PCDH18: variants seen among roughly 807,000 people sequenced by gnomAD.
The protein encoded by PCDH18 is protocadherin 18.
Under a neutral mutation model 71.5 loss-of-function variants are expected in PCDH18, and 38 were observed. The ratio of observed to expected loss-of-function variants is 0.53; its 90% CI spans 0.41 to 0.70. PCDH18 has a LOEUF of 0.70. Ranked by LOEUF, PCDH18 falls within the 30% of genes least tolerant of loss-of-function variation. PCDH18 has a pLI of 0.00. For missense variants in PCDH18, 1,334 were observed against 1,384.6 expected (o/e 0.96, Z 0.58); for synonymous variants, 565 against 505.4 (o/e 1.12, Z -1.58).
chr4:137,530,392 A>G lies in PCDH18; in HGVS notation c.1697T>C (p.Ile566Thr), dbSNP rs766023755. 1 of 1,614,084 alleles carries G rather than the reference A, an allele frequency of 6.2e-7. No homozygotes were observed. Among genetic ancestry groups the G allele is most frequent in the Non-Finnish European group, 8.5e-7 (1 of 1,179,970 alleles). The change falls in exon 1 of 4, where the codon ATC (isoleucine) becomes ACC (threonine). Residue 566 changes from isoleucine (I) to threonine (T), a missense_variant. Physicochemically the swap from Ile to Thr is moderately conservative, Grantham distance 89 (BLOSUM62 -1). Around this residue, in one of 3 missense-constraint regions of PCDH18, gnomAD observed 1,011 missense variants for 1,048.0 expected, o/e 0.96. Transcript: ENST00000344876. Reference protein sequence around the residue: ...LVSNTTVVLTIIDENDNVPVV... With the variant: ...LVSNTTVVLTTIDENDNVPVV... The stretch of plus-strand genomic sequence containing the variant: ...AGGAACGTTGTCATTTTCGTCAATG[A>G]TGGTGAGCACAACTGTGGTATTGCT...
At position 137,531,842 on chromosome 4, in the gene PCDH18, T is replaced by C; in HGVS notation, c.247A>G (p.Asn83Asp). 6.2e-7 allele frequency: 1 copy of C among 1,614,162 alleles called. No individual in the cohort carries two copies. Among genetic ancestry groups the C allele is most frequent in the Non-Finnish European group, 8.5e-7 (1 of 1,180,016 alleles). ...NSPLLVVNED[N>D]GEISIGATID... ...GTAGCCCCTATGCTGATTTCCCCAT[T>C]ATCCTCGTTTACTACAAGTAGAGGA... Residue 83 changes from asparagine to aspartate, a missense_variant, in exon 1 of 4, where the codon AAT becomes GAT. Coordinates refer to ENST00000344876, the MANE Select transcript of PCDH18 (RefSeq NM_019035.5).
intron 3 of PCDH18, among the ~76,000 whole-genome samples, chr4:137,522,465 G>C (rs2149212091): frequency 6.6e-6 from 1 of 151,824 alleles, no homozygotes; most frequent in East Asian, 1.9e-4. Context: ...GAGAAAAGCA[G>C]GAAAATAAAG....
In PCDH18 at chr4:137,521,675, T is replaced by C; in HGVS notation, c.2762A>G (p.Glu921Gly). The change falls in exon 4 of 4, where the codon GAG (glutamate) becomes GGG (glycine). Residue 921 changes from glutamate (E) to glycine (G), a missense_variant. Physicochemically the swap from Glu to Gly is moderately conservative, Grantham distance 98. Around this residue, in one of 3 missense-constraint regions of PCDH18, gnomAD observed 319 missense variants for 316.3 expected, o/e 1.01. Coordinates refer to ENST00000344876, the MANE Select transcript of PCDH18 (RefSeq NM_019035.5). ...IPAAMRLCTEECRVLGHSDQC... is the reference protein window; with the variant it reads ...IPAAMRLCTEGCRVLGHSDQC... ...GTCAGAGTGTCCCAGGACCCTGCAC[T>C]CCTCCGTGCAGAGTCTCATAGCTGC... 1 of 1,607,166 alleles carries C rather than the reference T, an allele frequency of 6.2e-7. No individual in the cohort carries two copies. The highest frequency in any genetic ancestry group is 8.5e-7 in the Non-Finnish European group (1 of 1,178,166).
chr4:137,527,036 G>T (rs557357363), intron 3 of PCDH18, among the ~76,000 whole-genome samples: 3 of 151,784 alleles, frequency 2.0e-5, no homozygotes, highest in African/African-American at 4.8e-5. Flanking sequence ...CTTAGGAGAG[G>T]CAGTGCAGGT....
chr4:137,529,320 T>C lies in PCDH18; in HGVS notation c.2487+282A>G, dbSNP rs1164477729. On this transcript the variant is annotated intron_variant, in intron 1 of 3. Transcript: ENST00000344876. ...ACTTTTTGGCTTCCCATTATTTTAA[T>C]CTGGGAAGCAAGGGGACTCTAATTA... 3 of 318,502 alleles carry C rather than the reference T, an allele frequency of 9.4e-6. No individual in the cohort carries two copies. The Admixed American group carries it at 1.3e-4, about 14-fold the overall frequency. 19.7% of individuals were successfully genotyped at this position (318,502 alleles called of 1,614,324 possible). A position where few individuals can be genotyped will look rare whatever the true frequency, so the allele number is the denominator to read the frequency against.
At chr4:137,525,635 A>G (rs981832891) in intron 3 of PCDH18, among the ~76,000 whole-genome samples, 4 of 152,142 alleles carry the variant, frequency 2.6e-5, no homozygotes, top group African/African-American at 9.7e-5. Flanking sequence ...AGTCTACAGT[A>G]GCCAAACATG....
At position 137,530,700 on chromosome 4, in the gene PCDH18, G is replaced by C. The variant is rs771683343; in HGVS notation, c.1389C>G (p.Pro463=). The C allele has an allele frequency of 1.9e-6, 3 of 1,613,022 alleles. No homozygotes were observed. The South Asian group carries it at 3.3e-5, about 18-fold the overall frequency. The change falls in exon 1 of 4, where the codon CCC becomes CCG. Residue 463 remains proline (P), a synonymous_variant. Transcript: ENST00000344876. ...ATTCATATCGGCTTCTCTGGAAGTG[G>C]GGTGGATTGTCATTGATATCATTGA... is the stretch of plus-strand genomic sequence containing the variant. The part of the protein sequence containing the change: ...VQINDINDNP[P]HFQRSRYEFV...
chr4:137,521,274 C>A lies in PCDH18; in HGVS notation c.3163G>T (p.Ala1055Ser), dbSNP rs763502156. 4 of 1,614,180 alleles carry A rather than the reference C, an allele frequency of 2.5e-6. No individual in the cohort carries two copies. The South Asian group carries it at 4.4e-5, about 18-fold the overall frequency. The change falls in exon 4 of 4, where the codon GCA becomes TCA. Residue 1055 changes from alanine to serine, a missense_variant. By Grantham distance (99) the Ala-to-Ser change is moderately conservative. Transcript: ENST00000344876. ...TGAAAATGCGTACTGGCTGCCCATG[C>A]CGCTACCCCCTGTGGGTAACCCACA... ...KTVGYPQGVAAWAASTHFQNP... is the reference protein window; with the variant it reads ...KTVGYPQGVASWAASTHFQNP...
Position 137,531,796 on chromosome 4 carries a change from C to A in PCDH18, c.293G>T (p.Cys98Phe). Residue 98 changes from cysteine (C) to phenylalanine (F), a missense_variant, in exon 1 of 4, where the codon TGC becomes TTC. Physicochemically the swap from Cys to Phe is radical, Grantham distance 205 (BLOSUM62 -2). Transcript: ENST00000344876. ...TATGGAACAGTTCAAGTTTTTCTGG[C>A]ACAGTTGTTCACGGTCAATTGTAGC... Reference protein sequence around the residue: ...IGATIDREQLCQKNLNCSIEF... With the variant: ...IGATIDREQLFQKNLNCSIEF... 1 of 1,614,182 alleles carries A rather than the reference C, an allele frequency of 6.2e-7. No individual in the cohort carries two copies. Among genetic ancestry groups the A allele is most frequent in the Non-Finnish European group, 8.5e-7 (1 of 1,180,026 alleles).
In PCDH18 at chr4:137,531,574, T is replaced by A. The variant is rs1731698590; in HGVS notation, c.515A>T (p.His172Leu). 6.2e-7 allele frequency: 1 copy of A among 1,613,380 alleles called. No homozygotes were observed. Among genetic ancestry groups the A allele is most frequent in the Non-Finnish European group, 8.5e-7 (1 of 1,179,698 alleles). ...FDPDVGENSL[H>L]TYSLSANDFF... ...ATCATTGGCAGAGAGCGAGTATGTG[T>A]GGAGGGAATTTTCCCCAACATCTGG... Residue 172 changes from histidine to leucine, a missense_variant, in exon 1 of 4, where the codon CAC becomes CTC. Around this residue, in one of 3 missense-constraint regions of PCDH18, gnomAD observed 1,011 missense variants for 1,048.0 expected, o/e 0.96. Transcript: ENST00000344876.
rs1298165177 is a variant in PCDH18, at chr4:137,520,073, A to G, written c.*956T>C. The G allele has an allele frequency of 2.0e-5, 3 of 151,760 alleles. No homozygotes were observed. The highest frequency in any genetic ancestry group is 2.9e-5 in the Non-Finnish European group (2 of 67,874). 9.4% of individuals were successfully genotyped at this position (151,760 alleles called of 1,614,324 possible). Reference sequence around the variant, plus strand: ...AAATGTTCAAGTATTGTGAGAGGAAAGGGGAGATTCAAAATAGAATGGGTT... The same window carrying G: ...AAATGTTCAAGTATTGTGAGAGGAAGGGGGAGATTCAAAATAGAATGGGTT... On this transcript the variant is annotated 3_prime_UTR_variant, in exon 4 of 4. Transcript: ENST00000344876.
chr4:137,531,117 A>G lies in PCDH18; in HGVS notation c.972T>C (p.Val324=), dbSNP rs1332782883. 1.9e-6 allele frequency: 3 copies of G among 1,613,932 alleles called. No homozygotes were observed. The highest frequency in any genetic ancestry group is 1.7e-5 in the Admixed American group (1 of 60,004). The change falls in exon 1 of 4, where the codon GTT becomes GTC. Residue 324 remains valine (V), a synonymous_variant. Transcript: ENST00000344876. The part of the protein sequence containing the change: ...YEITKSYEID[V]QAQDLGPNSI... ...AATTTGGACCCAAATCTTGAGCCTG[A>G]ACATCAATCTCATAGGATTTGGTGA... is the stretch of plus-strand genomic sequence containing the variant.
intron 3 of PCDH18, among the ~76,000 whole-genome samples, chr4:137,522,233 C>T (rs1328403326): frequency 6.6e-6 from 1 of 152,142 alleles, no homozygotes; most frequent in African/African-American, 2.4e-5. Flanking sequence ...TGTTACTTAA[C>T]ACAGCAGTGA....
chr4:137,529,389 A>G (rs964978902), intron 1 of PCDH18: 39 of 456,180 alleles, frequency 8.5e-5, no homozygotes, highest in African/African-American at 7.2e-4. Flanking sequence ...AATATTACAC[A>G]TATTATATGA....
intron 1 of PCDH18, chr4:137,529,368 A>C (rs1560725609): frequency 4.8e-6 from 2 of 413,050 alleles, no homozygotes; most frequent in East Asian, 3.5e-5. Flanking sequence ...TGACCTTCAC[A>C]TTTATTTTTC....
Position 137,530,260 on chromosome 4 carries a change from G to A in PCDH18, c.1829C>T (p.Ser610Phe), listed in dbSNP as rs1170033540. Residue 610 changes from serine (S) to phenylalanine (F), a missense_variant, in exon 1 of 4, where the codon TCT (serine) becomes TTT (phenylalanine). Physicochemically the swap from Ser to Phe is radical, Grantham distance 155 (BLOSUM62 -2). Transcript: ENST00000344876. ...VTRIRAIDRD[S>F]GVNAELSCAI... is the part of the protein sequence containing the mutation. Reference sequence around the variant, plus strand: ...GCAGCTGAGTTCAGCATTCACACCAGAGTCTCTGTCAATTGCCCTTATTCT... The same window carrying A: ...GCAGCTGAGTTCAGCATTCACACCAAAGTCTCTGTCAATTGCCCTTATTCT... 4 of 1,613,966 alleles carry A rather than the reference G, an allele frequency of 2.5e-6. No individual in the cohort carries two copies. The Admixed American group carries it at 6.7e-5, about 27-fold the overall frequency.
chr4:137,531,808 C>T lies in PCDH18; in HGVS notation c.281G>A (p.Arg94His). 1 of 1,614,138 alleles carries T rather than the reference C, an allele frequency of 6.2e-7. No homozygotes were observed. The highest frequency in any genetic ancestry group is 8.5e-7 in the Non-Finnish European group (1 of 1,180,018). Residue 94 changes from arginine to histidine, a missense_variant, in exon 1 of 4, where the codon CGT becomes CAT. By Grantham distance (29) the Arg-to-His change is conservative. This residue lies in a region of PCDH18 where 1,011 missense variants were observed against 1,048.0 expected (regional missense o/e 0.96). Transcript: ENST00000344876. ...CAAGTTTTTCTGGCACAGTTGTTCA[C>T]GGTCAATTGTAGCCCCTATGCTGAT... is the stretch of plus-strand genomic sequence containing the variant. The part of the protein sequence containing the change: ...GEISIGATID[R>H]EQLCQKNLNC...
Position 137,531,342 on chromosome 4 carries a change from TTGCTGC to T in PCDH18, c.741_746del (p.Gln248_Gln249del). On this transcript the variant is annotated inframe_deletion, in exon 1 of 4. Coordinates refer to ENST00000344876, the MANE Select transcript of PCDH18 (RefSeq NM_019035.5). Reference sequence around the variant, plus strand: ...TTTCTAAGAGTTGTATTATATAAGATTGCTGCTCAAAAGCAGGGCTGTTGTCATTGG... The same window carrying T: ...TTTCTAAGAGTTGTATTATATAAGATTCAAAAGCAGGGCTGTTGTCATTGG... 3 of 1,613,950 alleles carry T rather than the reference TTGCTGC, an allele frequency of 1.9e-6. No homozygotes were observed. Among genetic ancestry groups the T allele is most frequent in the Non-Finnish European group, 2.5e-6 (3 of 1,179,998 alleles).
Position 137,531,369 on chromosome 4 carries a change from A to T in PCDH18, c.720T>A (p.Asn240Lys). 6.2e-7 allele frequency: 1 copy of T among 1,613,554 alleles called. No individual in the cohort carries two copies. Among genetic ancestry groups the T allele is most frequent in the African/African-American group, 1.3e-5 (1 of 75,020 alleles). Residue 240 changes from asparagine to lysine, a missense_variant, in exon 1 of 4, where the codon AAT (asparagine) becomes AAA (lysine). Physicochemically the swap from Asn to Lys is moderately conservative, Grantham distance 94 (BLOSUM62 0). Around this residue, in one of 3 missense-constraint regions of PCDH18, gnomAD observed 1,011 missense variants for 1,048.0 expected, o/e 0.96. Coordinates refer to ENST00000344876, the MANE Select transcript of PCDH18 (RefSeq NM_019035.5). ...SILKISISDSNDNSPAFEQQS... is the reference protein window; with the variant it reads ...SILKISISDSKDNSPAFEQQS... ...GCTGCTCAAAAGCAGGGCTGTTGTC[A>T]TTGGAGTCTGAAATGCTTATTTTTA...
Sources: gnomAD v4.1 joint callset for allele counts (sites outside exome capture counted in the v4.1 genomes callset) on GRCh38, gnomAD v4.1.1 for gene constraint, gnomAD v4.1.1 regional missense constraint, MANE v1.5 for transcripts, NCBI Gene and HGNC (gene_info 2026-07-23, HGNC 2026-07-21) for gene names.